The following KIAA1958 variants were observed in gnomAD, a reference collection of about 807,000 sequenced individuals.
The protein encoded by KIAA1958 is KIAA1958.
KIAA1958 carries 14 observed loss-of-function variants against 47.2 expected under a neutral mutation model. The ratio of observed to expected loss-of-function variants is 0.30; its 90% CI spans 0.20 to 0.46. KIAA1958 has a LOEUF of 0.46. KIAA1958 is among the 20% of genes least tolerant of loss of function. The pLI, the probability that KIAA1958 is intolerant of heterozygous loss-of-function variation, is 1.00. For missense variants in KIAA1958, 803 were observed against 909.2 expected (o/e 0.88, Z 1.50); for synonymous variants, 354 against 353.3 (o/e 1.00, Z -0.02).
intron 3 of KIAA1958, among the ~76,000 whole-genome samples, chr9:112,650,768 C>T (rs751796269): frequency 1.3e-5 from 2 of 152,022 alleles, no homozygotes; most frequent in Non-Finnish European, 2.9e-5. Flanking sequence ...TTTAAAAAAG[C>T]AAGGACCAAC....
intron 1 of KIAA1958, among the ~76,000 whole-genome samples, chr9:112,558,999 T>C (rs965258608): frequency 2.6e-5 from 4 of 152,224 alleles, no homozygotes; most frequent in Admixed American, 2.6e-4. Context: ...AGAAAATACA[T>C]GCCTGCATGT....
intron 1 of KIAA1958, among the ~76,000 whole-genome samples, chr9:112,550,137 G>A (rs1052421346): frequency 1.2e-4 from 18 of 150,998 alleles, no homozygotes; most frequent in African/African-American, 3.5e-4. Context: ...CCTCAGAGCC[G>A]TGTTGATAAT....
intron 1 of KIAA1958, among the ~76,000 whole-genome samples, chr9:112,533,978 C>A (rs1003652937): frequency 2.6e-5 from 4 of 152,118 alleles, no homozygotes; most frequent in African/African-American, 9.7e-5. Flanking sequence ...AAAATATGTG[C>A]AAGAGAGACA....
intron 1 of KIAA1958, among the ~76,000 whole-genome samples, chr9:112,538,680 G>C (rs1477259648): frequency 6.6e-6 from 1 of 152,112 alleles, no homozygotes; most frequent in Non-Finnish European, 1.5e-5. Context: ...GTAATATAAG[G>C]TGAACTTGGT....
At chr9:112,570,665 C>T (rs77171842) in intron 1 of KIAA1958, among the ~76,000 whole-genome samples, 1 of 152,228 alleles carries the variant, frequency 6.6e-6, no homozygotes, top group South Asian at 2.1e-4. Flanking sequence ...AGGAATGATA[C>T]TTGGCTTTGC....
Position 112,525,961 on chromosome 9 carries a change from T to C in KIAA1958, c.-25+38843T>C, listed in dbSNP as rs372533723. ...CTTCTTCTTCTTCTTCTTCTTCTTC[T>C]TCTTCTTCTTCTTCTTCTTCTTCTT... On this transcript the variant is annotated intron_variant, in intron 1 of 3. Transcript: ENST00000337530. Among the ~76,000 whole-genome samples, 2 of 22,128 alleles carry C rather than the reference T, an allele frequency of 9.0e-5. 1 individual carries two copies. Among genetic ancestry groups the C allele is most frequent in the Non-Finnish European group, 2.2e-4 (2 of 9,242 alleles). 14.5% of individuals were successfully genotyped at this position (22,128 alleles called of 152,430 possible).
At chr9:112,517,078 C>G (rs1026243779) in intron 1 of KIAA1958, among the ~76,000 whole-genome samples, 4 of 84,208 alleles carry the variant, frequency 4.8e-5, no homozygotes, top group African/African-American at 9.1e-5. Flanking sequence ...TTACACTTCT[C>G]TATGTAGGAA....
chr9:112,573,736 T>C (rs1352751209), intron 1 of KIAA1958, among the ~76,000 whole-genome samples: 2 of 152,242 alleles, frequency 1.3e-5, no homozygotes, highest in Non-Finnish European at 2.9e-5. Context: ...AAATGTACCA[T>C]GGAAAAGCTC....
chr9:112,606,437 A>G (rs1274361995), intron 2 of KIAA1958, among the ~76,000 whole-genome samples: 1 of 152,158 alleles, frequency 6.6e-6, no homozygotes, highest in African/African-American at 2.4e-5. Flanking sequence ...TTGGGATTTT[A>G]CCCATATTCA....
chr9:112,612,946 G>A (rs750714182), intron 2 of KIAA1958, among the ~76,000 whole-genome samples: 1 of 152,080 alleles, frequency 6.6e-6, no homozygotes, highest in Non-Finnish European at 1.5e-5. Flanking sequence ...GAAAGATTAA[G>A]GCAACTGTAT....
intron 1 of KIAA1958, among the ~76,000 whole-genome samples, chr9:112,542,140 A>G (rs186897469): frequency 6.6e-6 from 1 of 152,216 alleles, no homozygotes; most frequent in African/African-American, 2.4e-5. Flanking sequence ...AACTGAGTTC[A>G]TATTTCCCAA....
At chr9:112,555,475 C>G (rs1835224330) in intron 1 of KIAA1958, among the ~76,000 whole-genome samples, 1 of 152,178 alleles carries the variant, frequency 6.6e-6, no homozygotes, top group South Asian at 2.1e-4. Context: ...CTTTCTGCTG[C>G]TGTAACAAAA....
chr9:112,626,471 A>G (rs1248901046), intron 2 of KIAA1958, among the ~76,000 whole-genome samples: 1 of 152,128 alleles, frequency 6.6e-6, no homozygotes, highest in African/African-American at 2.4e-5. Flanking sequence ...TTATACATTC[A>G]TTTCAATAAG....
Position 112,668,726 on chromosome 9 carries a change from C to A in KIAA1958, c.*8657C>A, listed in dbSNP as rs928585814. On this transcript the variant is annotated 3_prime_UTR_variant, in exon 4 of 4. Transcript: ENST00000337530. ...ATTTAGCAATAGAATAGGCAATGGA[C>A]TGCTTTGCATTTCCTTAGTTTTTCA... 6.6e-5 allele frequency: 10 copies of A among 152,192 alleles called. No homozygotes were observed. The East Asian group carries it at 1.9e-3, about 29-fold the overall frequency. 9.4% of individuals were successfully genotyped at this position (152,192 alleles called of 1,614,324 possible).
rs1837344921 is a variant in KIAA1958, at chr9:112,665,743, T to G, written c.*5674T>G. On this transcript the variant is annotated 3_prime_UTR_variant, in exon 4 of 4. Coordinates refer to ENST00000337530, the MANE Select transcript of KIAA1958 (RefSeq NM_133465.4). ...TCTGCCTACTGGGAACCTTCTGTCT[T>G]TATCCAATAAGTAATTTATATTACC... The G allele has an allele frequency of 6.6e-6, 1 of 152,174 alleles. No homozygotes were observed. Among genetic ancestry groups the G allele is most frequent in the African/African-American group, 2.4e-5 (1 of 41,444 alleles). 9.4% of individuals were successfully genotyped at this position (152,174 alleles called of 1,614,324 possible).
chr9:112,575,641 T>C (rs1325666207), intron 2 of KIAA1958, among the ~76,000 whole-genome samples: 1 of 152,162 alleles, frequency 6.6e-6, no homozygotes, highest in Non-Finnish European at 1.5e-5. Flanking sequence ...GTAAGGCATA[T>C]CATGACAATA....
At chr9:112,583,706 G>A (rs923589162) in intron 2 of KIAA1958, among the ~76,000 whole-genome samples, 3 of 152,106 alleles carry the variant, frequency 2.0e-5, no homozygotes, top group Admixed American at 1.3e-4. Flanking sequence ...ATATATTAGA[G>A]TAATACCATA....
At chr9:112,561,357 C>A (rs191882563) in intron 1 of KIAA1958, among the ~76,000 whole-genome samples, 1 of 152,158 alleles carries the variant, frequency 6.6e-6, no homozygotes, top group East Asian at 1.9e-4. Flanking sequence ...CCTGGCCTGT[C>A]TTTGCAAAAT....
At chr9:112,493,655 C>T (rs954624291) in intron 1 of KIAA1958, among the ~76,000 whole-genome samples, 3 of 152,142 alleles carry the variant, frequency 2.0e-5, no homozygotes, top group South Asian at 2.1e-4. Context: ...GAAGTCCTTA[C>T]GGTAAAGCTT....
Sources: gnomAD v4.1 joint callset for allele counts (sites outside exome capture counted in the v4.1 genomes callset) on GRCh38, gnomAD v4.1.1 for gene constraint, MANE v1.5 for transcripts, NCBI Gene and HGNC (gene_info 2026-07-23, HGNC 2026-07-21) for gene names.